SNAP25: variants seen among roughly 807,000 people sequenced by gnomAD.
SNAP25 encodes the protein synaptosome associated protein 25.
In SNAP25, 3 loss-of-function variants were observed where a neutral mutation model predicts 28.7. That is an observed-to-expected ratio of 0.10 (90% confidence interval 0.05 to 0.27). SNAP25 has a LOEUF of 0.27. Ranked by LOEUF, SNAP25 falls within the 10% of genes least tolerant of loss-of-function variation. The pLI, the probability that SNAP25 is intolerant of heterozygous loss-of-function variation, is 1.00. For synonymous variants in SNAP25, 61 were observed against 88.1 expected, an observed-to-expected ratio of 0.69 and a Z score of 1.72; for missense variants, 117 against 278.7, an observed-to-expected ratio of 0.42 and a Z score of 4.13.
At chr20:10,299,505 C>A in intron 7 of SNAP25, 93 bp downstream of exon 7, 1 of 1,314,950 alleles carries the variant, frequency 7.6e-7, no homozygotes, top group East Asian at 2.6e-5. Context: ...CCTCAAAACA[C>A]GACCTTGGAT....
chr20:10,281,745 G>A (rs1344184653), intron 3 of SNAP25, among the ~76,000 whole-genome samples: 1 of 152,174 alleles, frequency 6.6e-6, no homozygotes, highest in African/African-American at 2.4e-5. Flanking sequence ...AAGGATCTAA[G>A]GAAACAAAGC....
rs552063676 is a variant in SNAP25, at chr20:10,225,847, CTTGAATCAGTGG to C, written c.-64+6873_-64+6884del. On this transcript the variant is annotated intron_variant, in intron 1 of 7. Coordinates refer to ENST00000254976, the MANE Select transcript of SNAP25 (RefSeq NM_130811.4). ...AGAGATGACTTTCCATGCCTGTAAC[CTTGAATCAGTGG>C]TTTCTGTCCTTTACTGATAACAGCA... 3.4e-3 allele frequency among the ~76,000 whole-genome samples: 511 copies of C among 152,188 alleles called. 1 individual carries two copies. Among genetic ancestry groups the C allele is most frequent in the Non-Finnish European group, 6.2e-3 (421 of 67,982 alleles).
intron 6 of SNAP25, among the ~76,000 whole-genome samples, chr20:10,297,875 TA>T (rs2064147948): frequency 6.6e-6 from 1 of 151,974 alleles, no homozygotes; most frequent in Non-Finnish European, 1.5e-5. Flanking sequence ...GGAGTGAAAA[TA>T]GAGAATAATG....
At chr20:10,230,287 T>C (rs2062806193) in intron 1 of SNAP25, among the ~76,000 whole-genome samples, 1 of 152,088 alleles carries the variant, frequency 6.6e-6, no homozygotes, top group Non-Finnish European at 1.5e-5. Flanking sequence ...GGGAATATCA[T>C]CCCAACACTC....
In SNAP25 at chr20:10,273,709, T is replaced by G. The variant is rs183234714; in HGVS notation, c.-63-1720T>G. On this transcript the variant is annotated intron_variant, in intron 1 of 7. Transcript: ENST00000254976. ...ACTTCCTTGCAATGGGAATTAGAAA[T>G]GTAATTCCTGGCTGCACAGCCATTT... Among the ~76,000 whole-genome samples the G allele has an allele frequency of 2.0e-4, 31 of 152,326 alleles. No homozygotes were observed. In the East Asian group the frequency reaches 4.2e-3, roughly 21 times the overall value.
At chr20:10,250,719 C>T (rs893959303) in intron 1 of SNAP25, among the ~76,000 whole-genome samples, 1 of 152,136 alleles carries the variant, frequency 6.6e-6, no homozygotes, top group Non-Finnish European at 1.5e-5. Context: ...AATTAAAAAA[C>T]ACACACAGTC....
At chr20:10,290,733 C>T (rs2063979311) in intron 4 of SNAP25, among the ~76,000 whole-genome samples, 1 of 152,294 alleles carries the variant, frequency 6.6e-6, no homozygotes, top group East Asian at 1.9e-4. Flanking sequence ...GTCCCCACGC[C>T]ATAATCTATG....
intron 1 of SNAP25, among the ~76,000 whole-genome samples, chr20:10,252,706 C>T (rs1045922793): frequency 1.3e-5 from 2 of 151,242 alleles, no homozygotes; most frequent in South Asian, 4.2e-4. Flanking sequence ...ACATAATCCC[C>T]AGGCAGTCCT....
At chr20:10,247,849 G>T (rs2063156497) in intron 1 of SNAP25, among the ~76,000 whole-genome samples, 1 of 152,188 alleles carries the variant, frequency 6.6e-6, no homozygotes, top group South Asian at 2.1e-4. Flanking sequence ...AAAACTTAGA[G>T]GCTTCAAACA....
intron 1 of SNAP25, among the ~76,000 whole-genome samples, chr20:10,257,293 G>A (rs2063333797): frequency 1.3e-5 from 2 of 152,344 alleles, no homozygotes; most frequent in South Asian, 4.1e-4. Flanking sequence ...ACATTCACCT[G>A]GCCACAGTGG....
At chr20:10,259,483 C>G (rs1271859823) in intron 1 of SNAP25, among the ~76,000 whole-genome samples, 1 of 152,176 alleles carries the variant, frequency 6.6e-6, no homozygotes, top group African/African-American at 2.4e-5. Context: ...CTTGTGGGTG[C>G]AATTAGATTC....
chr20:10,266,648 ATAG>A (rs2122936203), intron 1 of SNAP25, among the ~76,000 whole-genome samples: 1 of 152,334 alleles, frequency 6.6e-6, no homozygotes, highest in East Asian at 1.9e-4. Context: ...TATGAATAAC[ATAG>A]TAGAACAGGG....
intron 5 of SNAP25, among the ~76,000 whole-genome samples, chr20:10,294,636 G>T (rs987606995): frequency 2.0e-5 from 3 of 152,126 alleles, no homozygotes; most frequent in Non-Finnish European, 4.4e-5. Context: ...CAGTATAAAT[G>T]ATAACCAAGG....
intron 4 of SNAP25, 115 bp downstream of exon 4, chr20:10,284,887 G>A: frequency 2.6e-6 from 2 of 778,740 alleles, no homozygotes; most frequent in Non-Finnish European, 2.2e-6. Context: ...GTACACGAAT[G>A]TGAGGGTTCT....
chr20:10,246,969 G>A (rs2063140134), intron 1 of SNAP25, among the ~76,000 whole-genome samples: 1 of 152,084 alleles, frequency 6.6e-6, no homozygotes, highest in African/African-American at 2.4e-5. Context: ...GAAAAGGGGT[G>A]ATGATCATAA....
intron 1 of SNAP25, among the ~76,000 whole-genome samples, chr20:10,235,998 T>C (rs982877260): frequency 6.6e-6 from 1 of 152,214 alleles, no homozygotes; most frequent in East Asian, 1.9e-4. Flanking sequence ...AGGGGGATTA[T>C]GGATTTTGGG....
At chr20:10,224,626 A>G (rs181588448) in intron 1 of SNAP25, among the ~76,000 whole-genome samples, 1 of 152,106 alleles carries the variant, frequency 6.6e-6, no homozygotes, top group Non-Finnish European at 1.5e-5. Flanking sequence ...CAATTGGAAG[A>G]TTAATTACAT....
intron 7 of SNAP25, among the ~76,000 whole-genome samples, chr20:10,300,972 G>GA (rs756880322): frequency 3.3e-5 from 5 of 151,760 alleles, no homozygotes; most frequent in Non-Finnish European, 7.4e-5. Flanking sequence ...CCCTCCAACA[G>GA]AAAAAACAAT....
chr20:10,262,818 T>C (rs1195490644), intron 1 of SNAP25, among the ~76,000 whole-genome samples: 3 of 152,040 alleles, frequency 2.0e-5, no homozygotes, highest in Non-Finnish European at 2.9e-5. Flanking sequence ...GGAGTGTACA[T>C]TACACCTTAT....
Sources: gnomAD v4.1 joint callset for allele counts (sites outside exome capture counted in the v4.1 genomes callset) on GRCh38, gnomAD v4.1.1 for gene constraint, MANE v1.5 for transcripts, NCBI Gene and HGNC (gene_info 2026-07-23, HGNC 2026-07-21) for gene names.